Variants in GRM8 observed in about 807,000 individuals in gnomAD.
GRM8 encodes the protein metabotropic glutamate receptor 8.
In GRM8, 47 loss-of-function variants were observed where a neutral mutation model predicts 87.2. That is an observed-to-expected ratio of 0.54 (90% CI 0.43 to 0.69). GRM8 has a LOEUF of 0.69. Among genes scored for constraint, GRM8 ranks in the 30% least tolerant of loss-of-function variants. GRM8 has a pLI of 0.00. For synonymous variants in GRM8, 396 were observed against 404.5 expected (o/e 0.98, Z 0.25); for missense variants, 1,019 against 1,139.2 (o/e 0.89, Z 1.52).
At chr7:127,033,392 A>G (rs1245714729) in intron 3 of GRM8, among the ~76,000 whole-genome samples, 3 of 152,002 alleles carry the variant, frequency 2.0e-5, no homozygotes, top group African/African-American at 4.8e-5. Flanking sequence ...TCAGATTAGG[A>G]CACCTATATC....
intron 3 of GRM8, among the ~76,000 whole-genome samples, chr7:127,058,481 A>G (rs2132556973): frequency 6.6e-6 from 1 of 152,306 alleles, no homozygotes; most frequent in Middle Eastern, 3.4e-3. Context: ...ACATTTATAA[A>G]TGTTAGTTCC....
rs1815089478 is a variant in GRM8 at position 126,532,943 on chromosome 7, T to TCTACTTA, written c.2430+2_2430+8dup. 6.4e-7 allele frequency: 1 copy of TCTACTTA among 1,564,524 alleles called. No individual in the cohort carries two copies. Among genetic ancestry groups the TCTACTTA allele is most frequent in the African/African-American group, 1.4e-5 (1 of 73,238 alleles). On this transcript the variant is annotated intron_variant, in intron 9 of 10. Coordinates refer to ENST00000339582, the MANE Select transcript of GRM8 (RefSeq NM_000845.3). ...GAAAAAGTTGTCAAGTGTATTTCCTTCTACTTACCTTTTCTGCTGACTGGG... is the reference window on the plus strand; with the variant it reads ...GAAAAAGTTGTCAAGTGTATTTCCTTCTACTTACTACTTACCTTTTCTGCTGACTGGG...
chr7:127,223,443 G>GCGCA (rs1019002634), intron 2 of GRM8, among the ~76,000 whole-genome samples: 5 of 143,978 alleles, frequency 3.5e-5, no homozygotes, highest in East Asian at 2.3e-4. Context: ...ACACACACAC[G>GCGCA]CACACACACA....
At chr7:126,960,214 A>G (rs1421826815) in intron 3 of GRM8, among the ~76,000 whole-genome samples, 3 of 152,202 alleles carry the variant, frequency 2.0e-5, no homozygotes, top group African/African-American at 7.2e-5. Flanking sequence ...TCCTGCAAAT[A>G]TATATCATCT....
At chr7:127,018,466 A>G (rs1320928283) in intron 3 of GRM8, among the ~76,000 whole-genome samples, 1 of 151,338 alleles carries the variant, frequency 6.6e-6, no homozygotes, top group Non-Finnish European at 1.5e-5. Context: ...CCTAGTCCAA[A>G]AGCCAAGTGT....
At chr7:126,903,866 C>T in intron 5 of GRM8, 106 bp downstream of exon 5, 1 of 562,036 alleles carries the variant, frequency 1.8e-6, no homozygotes, top group South Asian at 4.4e-5. Flanking sequence ...AAATTTGTAT[C>T]AAGTCATCAG....
intron 8 of GRM8, among the ~76,000 whole-genome samples, chr7:126,583,378 T>A (rs1795799805): frequency 6.6e-6 from 1 of 151,210 alleles, no homozygotes; most frequent in Non-Finnish European, 1.5e-5. Context: ...CATAAAATAA[T>A]AAAAATAAAA....
intron 3 of GRM8, among the ~76,000 whole-genome samples, chr7:126,986,099 C>T (rs2131898931): frequency 6.6e-6 from 1 of 152,192 alleles, no homozygotes; most frequent in South Asian, 2.1e-4. Flanking sequence ...GCAGCCTCCA[C>T]ACTTCCTGGG....
chr7:126,586,940 G>A (rs1796193910), intron 8 of GRM8, among the ~76,000 whole-genome samples: 1 of 151,980 alleles, frequency 6.6e-6, no homozygotes, highest in Non-Finnish European at 1.5e-5. Flanking sequence ...ATCTGACAAA[G>A]GGCTAATATC....
At chr7:127,026,356 A>G (rs1003616867) in intron 3 of GRM8, among the ~76,000 whole-genome samples, 3 of 152,172 alleles carry the variant, frequency 2.0e-5, no homozygotes, top group Non-Finnish European at 4.4e-5. Context: ...TCCTTTGGGT[A>G]TATACCCAGT....
chr7:126,821,990 T>A (rs1278985886), intron 6 of GRM8, among the ~76,000 whole-genome samples: 1 of 152,160 alleles, frequency 6.6e-6, no homozygotes, highest in Non-Finnish European at 1.5e-5. Flanking sequence ...TTTGGTAGAC[T>A]CTTCTTCATT....
chr7:127,042,005 G>A (rs1818470483), intron 3 of GRM8, among the ~76,000 whole-genome samples: 1 of 152,174 alleles, frequency 6.6e-6, no homozygotes, highest in African/African-American at 2.4e-5. Context: ...GAGGAGGGGG[G>A]ATTGGGCCTC....
intron 2 of GRM8, among the ~76,000 whole-genome samples, chr7:127,173,300 T>C (rs551279437): frequency 6.6e-6 from 1 of 152,302 alleles, no homozygotes; most frequent in East Asian, 1.9e-4. Flanking sequence ...TGGGAAGGTA[T>C]CTTTTGATCA....
chr7:127,212,429 T>C (rs1217348759), intron 2 of GRM8, among the ~76,000 whole-genome samples: 1 of 146,706 alleles, frequency 6.8e-6, no homozygotes, highest in Non-Finnish European at 1.5e-5. Flanking sequence ...TTTTTTTTTT[T>C]TTTTTTGAGA....
At chr7:126,766,809 C>T (rs1818249608) in intron 7 of GRM8, among the ~76,000 whole-genome samples, 1 of 152,122 alleles carries the variant, frequency 6.6e-6, no homozygotes, top group African/African-American at 2.4e-5. Flanking sequence ...AGCTGTCCCA[C>T]CAGGTGAGAA....
At chr7:126,762,200 A>G (rs561797332) in intron 7 of GRM8, among the ~76,000 whole-genome samples, 1 of 152,322 alleles carries the variant, frequency 6.6e-6, no homozygotes, top group African/African-American at 2.4e-5. Flanking sequence ...AAACATGAAC[A>G]TAAACTAAAG....
At chr7:126,709,539 G>T (rs1003346030) in intron 7 of GRM8, among the ~76,000 whole-genome samples, 28 of 152,106 alleles carry the variant, frequency 1.8e-4, no homozygotes, top group African/African-American at 6.5e-4. Flanking sequence ...TGTTGCAAAG[G>T]GTGTGGAGAA....
chr7:127,067,413 A>C (rs2132646530), intron 3 of GRM8, among the ~76,000 whole-genome samples: 1 of 152,306 alleles, frequency 6.6e-6, no homozygotes, highest in Middle Eastern at 3.4e-3. Flanking sequence ...CAGCACACAG[A>C]ATTCTACCCA....
intron 6 of GRM8, chr7:126,869,460 A>G (rs113225947): frequency 6.6e-6 from 1 of 152,358 alleles, no homozygotes; most frequent in Non-Finnish European, 1.5e-5. Flanking sequence ...CAGAGAAGTC[A>G]CTATGTATGG....
Sources: gnomAD v4.1 joint callset for allele counts (sites outside exome capture counted in the v4.1 genomes callset) on GRCh38, gnomAD v4.1.1 for gene constraint, MANE v1.5 for transcripts, NCBI Gene and HGNC (gene_info 2026-07-23, HGNC 2026-07-21) for gene names.